The following NEGR1 variants were observed in gnomAD, a reference collection of about 807,000 sequenced individuals.
NEGR1 encodes IgLON family member 4.
In NEGR1, 10 loss-of-function variants were observed where a neutral mutation model predicts 40.9. That is an observed-to-expected ratio of 0.24 (90% CI 0.15 to 0.42). NEGR1 has a LOEUF of 0.42. Ranked by LOEUF, NEGR1 falls within the 10% of genes least tolerant of loss-of-function variation. NEGR1 has a pLI of 1.00. For missense variants in NEGR1, 352 were observed against 438.9 expected (o/e 0.80, Z 1.77); for synonymous variants, 185 against 166.8 (o/e 1.11, Z -0.84).
chr1:71,956,366 T>C (rs1557454270), intron 1 of NEGR1, among the ~76,000 whole-genome samples: 1 of 152,114 alleles, frequency 6.6e-6, no homozygotes, highest in East Asian at 1.9e-4. Context: ...TTAGAGGAAA[T>C]TTTAAAAAAT....
At chr1:72,165,411 T>C (rs1315541373) in intron 1 of NEGR1, among the ~76,000 whole-genome samples, 1 of 152,044 alleles carries the variant, frequency 6.6e-6, no homozygotes, top group East Asian at 1.9e-4. Flanking sequence ...CAAGTTGCTA[T>C]CAGCAGTTTT....
At chr1:71,424,322 T>G (rs1646415896) in intron 6 of NEGR1, among the ~76,000 whole-genome samples, 1 of 152,186 alleles carries the variant, frequency 6.6e-6, no homozygotes, top group Admixed American at 6.5e-5. Context: ...TCTTTATTAT[T>G]CATTTGTTCA....
chr1:71,452,998 C>G (rs1646643604), intron 6 of NEGR1, among the ~76,000 whole-genome samples: 1 of 151,982 alleles, frequency 6.6e-6, no homozygotes, highest in Non-Finnish European at 1.5e-5. Context: ...ATTTCTATGA[C>G]CAAAAGTATT....
At chr1:72,101,300 T>C (rs1490103821) in intron 1 of NEGR1, among the ~76,000 whole-genome samples, 1 of 152,122 alleles carries the variant, frequency 6.6e-6, no homozygotes, top group East Asian at 1.9e-4. Flanking sequence ...TAAACAAATA[T>C]ACTGAATAAT....
chr1:71,627,504 T>C (rs1003113044), intron 4 of NEGR1, among the ~76,000 whole-genome samples: 2 of 152,010 alleles, frequency 1.3e-5, no homozygotes, highest in Non-Finnish European at 2.9e-5. Context: ...TAGTCAGCTA[T>C]AGACACAGTG....
intron 1 of NEGR1, among the ~76,000 whole-genome samples, chr1:72,022,632 A>G (rs1235281015): frequency 6.6e-6 from 1 of 151,760 alleles, no homozygotes; most frequent in Non-Finnish European, 1.5e-5. Flanking sequence ...TGTCAATAGT[A>G]AAAGCTAAAT....
At chr1:72,093,717 G>C (rs1029325717) in intron 1 of NEGR1, among the ~76,000 whole-genome samples, 3 of 152,090 alleles carry the variant, frequency 2.0e-5, no homozygotes, top group Admixed American at 6.5e-5. Flanking sequence ...TTATAAGCCA[G>C]CATTTTACTA....
intron 6 of NEGR1, among the ~76,000 whole-genome samples, chr1:71,483,637 T>G (rs1316532620): frequency 2.6e-5 from 4 of 151,858 alleles, no homozygotes; most frequent in African/African-American, 7.2e-5. Context: ...CCACTGGTAG[T>G]GGCTGCCAGG....
chr1:71,436,242 A>AT (rs1256970746), intron 6 of NEGR1, among the ~76,000 whole-genome samples: 1 of 151,386 alleles, frequency 6.6e-6, no homozygotes, highest in Non-Finnish European at 1.5e-5. Context: ...AAAAAAAAAA[A>AT]GGTGGGGTAT....
intron 5 of NEGR1, among the ~76,000 whole-genome samples, chr1:71,597,723 A>T (rs1649771764): frequency 1.3e-5 from 2 of 151,732 alleles, no homozygotes. Context: ...CCTGGCCAAC[A>T]GGGTGAAACC....
At chr1:71,628,875 A>G (rs1650878407) in intron 4 of NEGR1, among the ~76,000 whole-genome samples, 1 of 152,106 alleles carries the variant, frequency 6.6e-6, no homozygotes, top group African/African-American at 2.4e-5. Flanking sequence ...CAATAAATAT[A>G]TGTGTGCATG....
chr1:72,065,913 G>C (rs544082573), intron 1 of NEGR1, among the ~76,000 whole-genome samples: 2 of 152,122 alleles, frequency 1.3e-5, no homozygotes, highest in South Asian at 4.2e-4. Context: ...ATTAAGCCAG[G>C]AAGAGATATA....
chr1:71,510,597 C>T (rs1302080326), intron 6 of NEGR1, among the ~76,000 whole-genome samples: 1 of 152,048 alleles, frequency 6.6e-6, no homozygotes, highest in African/African-American at 2.4e-5. Flanking sequence ...GAAACTTAAG[C>T]AGAGAAGGGG....
chr1:71,599,477 T>C (rs140696409), intron 5 of NEGR1, among the ~76,000 whole-genome samples: 4 of 152,302 alleles, frequency 2.6e-5, no homozygotes, highest in Non-Finnish European at 5.9e-5. Flanking sequence ...AACTGCTAGA[T>C]ACCAGAGAGA....
At chr1:71,674,898 T>A (rs1652563625) in intron 4 of NEGR1, among the ~76,000 whole-genome samples, 1 of 151,764 alleles carries the variant, frequency 6.6e-6, no homozygotes, top group South Asian at 2.1e-4. Flanking sequence ...TTGTTTAATG[T>A]ATGTTTTCAT....
chr1:71,856,335 A>G (rs1659759293), intron 2 of NEGR1, among the ~76,000 whole-genome samples: 2 of 152,114 alleles, frequency 1.3e-5, no homozygotes, highest in Non-Finnish European at 2.9e-5. Context: ...ATCTTCATGA[A>G]AGAGTGAGTT....
intron 2 of NEGR1, among the ~76,000 whole-genome samples, chr1:71,880,280 T>G (rs1203757725): frequency 6.6e-6 from 1 of 151,952 alleles, no homozygotes; most frequent in Non-Finnish European, 1.5e-5. Context: ...TATATTAGAT[T>G]TATTACTCAT....
intron 6 of NEGR1, among the ~76,000 whole-genome samples, chr1:71,491,306 A>G (rs1646926128): frequency 6.6e-6 from 1 of 152,034 alleles, no homozygotes; most frequent in Non-Finnish European, 1.5e-5. Flanking sequence ...CAGGGACTTG[A>G]GCATCTTTGG....
chr1:71,583,188 G>T (rs1189601797), intron 6 of NEGR1, among the ~76,000 whole-genome samples: 1 of 151,724 alleles, frequency 6.6e-6, no homozygotes, highest in East Asian at 1.9e-4. Flanking sequence ...AGTCAGTAAC[G>T]TAAAAAAAAC....
Sources: allele counts gnomAD v4.1 joint callset (sites outside exome capture counted in the v4.1 genomes callset), GRCh38; gene constraint gnomAD v4.1.1; transcripts MANE v1.5; gene names NCBI Gene and HGNC (gene_info 2026-07-23, HGNC 2026-07-21).